The following ALS2 variants were observed in gnomAD, a reference collection of about 807,000 sequenced individuals.
ALS2 encodes alsin.
ALS2 carries 117 observed loss-of-function variants against 203.4 expected under a neutral mutation model. The ratio of observed to expected loss-of-function variants is 0.58; its 90% CI spans 0.50 to 0.67. The LOEUF (loss-of-function observed/expected upper bound fraction) is 0.67. Ranked by LOEUF, ALS2 falls within the 30% of genes least tolerant of loss-of-function variation. ALS2 has a pLI of 0.00. For synonymous variants in ALS2, 718 were observed against 725.9 expected (o/e 0.99, Z 0.17); for missense variants, 1,715 against 1,989.4 (o/e 0.86, Z 2.62).
intron 2 of ALS2, 105 bp from the exon 3 acceptor site, chr2:201,767,488 T>A: frequency 1.6e-6 from 2 of 1,265,446 alleles, no homozygotes; most frequent in Non-Finnish European, 2.2e-6. Flanking sequence ...CATGGATGAC[T>A]AGGTCAGATA....
Position 201,761,396 on chromosome 2 carries a change from C to T in ALS2, c.598G>A (p.Gly200Arg). ...TKPQKVEHLA[G>R]RVVLQVACGA... ...CAGGCAACTTGAAGCACCACTCGCC[C>T]AGCAAGATGTTCTACCTTTTGCGGC... is the stretch of plus-strand genomic sequence containing the variant. Residue 200 changes from glycine (G) to arginine (R), a missense_variant, in exon 4 of 34, where the codon GGG becomes AGG. Coordinates refer to ENST00000264276, the MANE Select transcript of ALS2 (RefSeq NM_020919.4). The T allele has an allele frequency of 6.2e-7, 1 of 1,611,182 alleles. No individual in the cohort carries two copies. Among genetic ancestry groups the T allele is most frequent in the Middle Eastern group, 1.7e-4 (1 of 6,048 alleles).
At chr2:201,723,585 C>G in intron 21 of ALS2, 144 bp from the exon 22 acceptor site, 1 of 713,696 alleles carries the variant, frequency 1.4e-6, no homozygotes. Context: ...AACTTTGTCT[C>G]CTCAAATATG....
intron 4 of ALS2, chr2:201,759,599 C>T: frequency 1.0e-6 from 1 of 983,944 alleles, no homozygotes; most frequent in Non-Finnish European, 1.2e-6. Context: ...TCTTGTTAAA[C>T]TACTACTTTT....
At chr2:201,777,984 C>G (rs1374901855) in intron 1 of ALS2, among the ~76,000 whole-genome samples, 3 of 152,078 alleles carry the variant, frequency 2.0e-5, no homozygotes, top group African/African-American at 7.2e-5. Flanking sequence ...TACTTTATTG[C>G]TCTTTTAAAG....
intron 27 of ALS2, among the ~76,000 whole-genome samples, chr2:201,708,574 C>CTT: frequency 6.6e-6 from 1 of 152,192 alleles, no homozygotes; most frequent in Admixed American, 6.5e-5. Context: ...TTTTAGAGTC[C>CTT]TCAGTGTCTA....
In ALS2 at chr2:201,741,740, C is replaced by G; in HGVS notation, c.2285G>C (p.Gly762Ala). 4 of 1,614,082 alleles carry G rather than the reference C, an allele frequency of 2.5e-6. No individual in the cohort carries two copies. Among genetic ancestry groups the G allele is most frequent in the Non-Finnish European group, 3.4e-6 (4 of 1,179,984 alleles). ...HGASLSSFLH[G>A]VKEARSLVIL... is the part of the protein sequence containing the mutation. Reference sequence around the variant, plus strand: ...GACCAAACTCCTGGCTTCCTTTACCCCATGAAGGAAGCTGCTCAATGAGGC... The same window carrying G: ...GACCAAACTCCTGGCTTCCTTTACCGCATGAAGGAAGCTGCTCAATGAGGC... The change falls in exon 11 of 34, where the codon GGG (glycine) becomes GCG (alanine). Residue 762 changes from glycine (G) to alanine (A), a missense_variant. By Grantham distance (60) the Gly-to-Ala change is moderately conservative (BLOSUM62 0). Transcript: ENST00000264276.
At chr2:201,771,324 G>A (rs2106109782) in intron 1 of ALS2, among the ~76,000 whole-genome samples, 1 of 152,172 alleles carries the variant, frequency 6.6e-6, no homozygotes, top group Admixed American at 6.5e-5. Context: ...TGGGATTACA[G>A]GTATGAGCCA....
rs776217490 is a variant in ALS2 at position 201,715,848 on chromosome 2, G to C, written c.3837-9C>G. 1 of 1,613,954 alleles carries C rather than the reference G, an allele frequency of 6.2e-7. No individual in the cohort carries two copies. The highest frequency in any genetic ancestry group is 1.3e-5 in the African/African-American group (1 of 74,924). Reference sequence around the variant, plus strand: ...GGTTTCCTAGCTTCCTGCTAATAAAGTCATATCAACCTTTTATTAATCATT... The same window carrying C: ...GGTTTCCTAGCTTCCTGCTAATAAACTCATATCAACCTTTTATTAATCATT... On this transcript the variant is annotated splice_polypyrimidine_tract_variant and intron_variant, in intron 24 of 33. Coordinates refer to ENST00000264276, the MANE Select transcript of ALS2 (RefSeq NM_020919.4).
intron 11 of ALS2, among the ~76,000 whole-genome samples, chr2:201,739,765 GA>G (rs944424127): frequency 7.4e-6 from 1 of 135,594 alleles, no homozygotes; most frequent in African/African-American, 2.6e-5. Context: ...AAAGAAAAAA[GA>G]AATGACAGTG....
intron 29 of ALS2, 77 bp from the exon 30 acceptor site, chr2:201,705,538 T>TA (rs1689655416): frequency 8.9e-7 from 1 of 1,122,210 alleles, no homozygotes; most frequent in Non-Finnish European, 1.3e-6. Flanking sequence ...AGTTGACAGC[T>TA]ATATTGGCTT....
intron 11 of ALS2, among the ~76,000 whole-genome samples, chr2:201,739,238 A>ACC (rs1692099911): frequency 2.2e-5 from 3 of 137,530 alleles, no homozygotes; most frequent in African/African-American, 8.7e-5. Flanking sequence ...TGTCTCCCAA[A>ACC]AAAAAAAAAA....
intron 13 of ALS2, among the ~76,000 whole-genome samples, chr2:201,730,789 G>A (rs547791863): frequency 5.3e-5 from 8 of 152,304 alleles, no homozygotes; most frequent in African/African-American, 1.4e-4. Flanking sequence ...ATTCTTAAGC[G>A]AAATTGTATT....
chr2:201,726,876 A>G lies in ALS2; in HGVS notation c.2980-10T>C. 1.2e-6 allele frequency: 2 copies of G among 1,612,124 alleles called. No homozygotes were observed. Among genetic ancestry groups the G allele is most frequent in the South Asian group, 1.1e-5 (1 of 90,852 alleles). On this transcript the variant is annotated splice_polypyrimidine_tract_variant and intron_variant, in intron 17 of 33. Transcript: ENST00000264276. ...CTCGTAGCCACTTTGTCTAGGAGCAAAAAGTAACGTCAATAAGTTTAAGGC... is the reference window on the plus strand; with the variant it reads ...CTCGTAGCCACTTTGTCTAGGAGCAGAAAGTAACGTCAATAAGTTTAAGGC...
intron 4 of ALS2, among the ~76,000 whole-genome samples, chr2:201,758,365 A>G (rs1276455307): frequency 2.6e-5 from 4 of 152,184 alleles, no homozygotes; most frequent in South Asian, 2.1e-4. Flanking sequence ...TGGCTCATCA[A>G]TGAGTTATTT....
intron 11 of ALS2, among the ~76,000 whole-genome samples, chr2:201,740,542 C>T (rs1033277086): frequency 7.0e-6 from 1 of 143,730 alleles, no homozygotes; most frequent in African/African-American, 2.5e-5. Context: ...ACAGAAACAA[C>T]AAAATCTAGT....
At chr2:201,754,032 T>C (rs998979045) in intron 6 of ALS2, among the ~76,000 whole-genome samples, 1 of 151,472 alleles carries the variant, frequency 6.6e-6, no homozygotes, top group Non-Finnish European at 1.5e-5. Flanking sequence ...TTTTTTGAGA[T>C]AAGAGTTTCA....
chr2:201,738,757 A>C, intron 11 of ALS2, 22 bp from the exon 12 acceptor site: 1 of 1,592,430 alleles, frequency 6.3e-7, no homozygotes, highest in Non-Finnish European at 8.6e-7. Flanking sequence ...AAGAAAACAC[A>C]TGTACATTAG....
intron 4 of ALS2, 137 bp downstream of exon 4, chr2:201,760,744 G>C: frequency 6.9e-7 from 1 of 1,446,760 alleles, no homozygotes; most frequent in South Asian, 1.6e-5. Context: ...ATCTAGGCTT[G>C]CCTGATAAAA....
At position 201,748,057 on chromosome 2, in the gene ALS2, C is replaced by T. The variant is rs1162593971; in HGVS notation, c.1816-1309G>A. Among the ~76,000 whole-genome samples the T allele has an allele frequency of 2.6e-5, 4 of 152,306 alleles. No individual in the cohort carries two copies. The South Asian group carries it at 8.3e-4, about 32-fold the overall frequency. ...CTCCTAGACTGATAGGCAACACACA[C>T]ACACACACAAATACACTCTCTAATC... On this transcript the variant is annotated intron_variant, in intron 8 of 33. Coordinates refer to ENST00000264276, the MANE Select transcript of ALS2 (RefSeq NM_020919.4).
Sources: gnomAD v4.1 joint callset for allele counts (sites outside exome capture counted in the v4.1 genomes callset) on GRCh38, gnomAD v4.1.1 for gene constraint, MANE v1.5 for transcripts, NCBI Gene and HGNC (gene_info 2026-07-23, HGNC 2026-07-21) for gene names.